MOB3A: variants seen among roughly 807,000 people sequenced by gnomAD.
MOB3A encodes MOB LAK.
In MOB3A, 17 loss-of-function variants were observed where a neutral mutation model predicts 17.8. That is an observed-to-expected ratio of 0.95 (90% CI 0.65 to 1.43). The LOEUF (loss-of-function observed/expected upper bound fraction) is 1.43. Among genes scored for constraint, MOB3A ranks in the 40% most tolerant of loss-of-function variants. The pLI is 0.00. For synonymous variants in MOB3A, 124 were observed against 133.2 expected (o/e 0.93, Z 0.48); for missense variants, 333 against 310.8 (o/e 1.07, Z -0.54).
chr19:2,086,340 T>TGC (rs1388676574), intron 1 of MOB3A, among the ~76,000 whole-genome samples: 1 of 149,614 alleles, frequency 6.7e-6, no homozygotes, highest in African/African-American at 2.5e-5. Flanking sequence ...ACGCCCAGCC[T>TGC]CTGAGTGTTT....
rs1200127756 is a variant in MOB3A, at chr19:2,093,590, G to A, written c.-274+2636C>T. On this transcript the variant is annotated intron_variant, in intron 1 of 4. Coordinates refer to ENST00000357066, the MANE Select transcript of MOB3A (RefSeq NM_130807.3). The surrounding 1 kb of genome is among the most constrained non-coding windows in gnomAD (Gnocchi z 4.6). ...TTGAATGCCTGACCTCAGGTGATCT[G>A]CTCTCCTCGGCCTCCCAAAGTGCTG... Among the ~76,000 whole-genome samples, 1 of 152,134 alleles carries A rather than the reference G, an allele frequency of 6.6e-6. No homozygotes were observed. The highest frequency in any genetic ancestry group is 1.5e-5 in the Non-Finnish European group (1 of 68,024).
intron 2 of MOB3A, among the ~76,000 whole-genome samples, chr19:2,080,535 A>G (rs2017474487): frequency 6.6e-6 from 1 of 151,880 alleles, no homozygotes; most frequent in Non-Finnish European, 1.5e-5. Context: ...GTGCAACCAC[A>G]CCCAGCTAAT....
At chr19:2,090,501 C>G (rs2017601453) in intron 1 of MOB3A, among the ~76,000 whole-genome samples, 1 of 152,036 alleles carries the variant, frequency 6.6e-6, no homozygotes, top group Non-Finnish European at 1.5e-5. Flanking sequence ...GCCAGGAACG[C>G]TACTCAGCAC....
intron 1 of MOB3A, among the ~76,000 whole-genome samples, chr19:2,094,171 C>T (rs1262226130): frequency 6.6e-6 from 1 of 151,838 alleles, no homozygotes; most frequent in African/African-American, 2.4e-5. Context: ...CTCAGCCTCC[C>T]GAGTAGCTGG....
chr19:2,078,085 C>G, intron 3 of MOB3A, 55 bp downstream of exon 3: 1 of 1,488,948 alleles, frequency 6.7e-7, no homozygotes, highest in Non-Finnish European at 9.0e-7. Flanking sequence ...TGCTCGGCCT[C>G]CCTGACTTTT....
chr19:2,077,215 A>G (rs2017423413), intron 3 of MOB3A, among the ~76,000 whole-genome samples: 1 of 152,128 alleles, frequency 6.6e-6, no homozygotes. Flanking sequence ...AGCCTGGCCA[A>G]CATGGAGAAA....
chr19:2,083,360 G>A (rs1291670877), intron 2 of MOB3A, among the ~76,000 whole-genome samples: 1 of 152,306 alleles, frequency 6.6e-6, no homozygotes, highest in East Asian at 1.9e-4. Flanking sequence ...CCAGAGCCCT[G>A]CACCTGCCCC....
At chr19:2,095,316 A>G (rs2017667336) in intron 1 of MOB3A, 1 of 152,264 alleles carries the variant, frequency 6.6e-6, no homozygotes, top group Admixed American at 6.5e-5. Context: ...CTCCCCTCTC[A>G]GTGACTCCTA....
In MOB3A at chr19:2,078,225, T is replaced by C. The variant is rs773147891; in HGVS notation, c.336A>G (p.Ala112=). 6.2e-7 allele frequency: 1 copy of C among 1,613,468 alleles called. No homozygotes were observed. Among genetic ancestry groups the C allele is most frequent in the East Asian group, 2.2e-5 (1 of 44,848 alleles). The change falls in exon 3 of 5, where the codon GCA becomes GCG. Residue 112 remains alanine (A), a synonymous_variant. Coordinates refer to ENST00000357066, the MANE Select transcript of MOB3A (RefSeq NM_130807.3). Reference sequence around the variant, plus strand: ...GGTCCATGTACCTGGGCGCGGAGAGTGCCGTGGGCTTCCGGAACTTATGCT... The same window carrying C: ...GGTCCATGTACCTGGGCGCGGAGAGCGCCGTGGGCTTCCGGAACTTATGCT... The part of the protein sequence containing the change: ...QDEHKFRKPT[A]LSAPRYMDLL...
At chr19:2,078,724 T>G in intron 2 of MOB3A, 45 bp from the exon 3 acceptor site, 2 of 656,854 alleles carry the variant, frequency 3.0e-6, no homozygotes, top group Non-Finnish European at 4.9e-6. Flanking sequence ...GCGACAGAAT[T>G]TCCCGGAAAC....
At chr19:2,086,063 G>A (rs546185489) in intron 1 of MOB3A, among the ~76,000 whole-genome samples, 6 of 151,066 alleles carry the variant, frequency 4.0e-5, no homozygotes, top group African/African-American at 7.3e-5. Context: ...TTTTTGAGAC[G>A]GAGTTTTGCT....
At chr19:2,081,838 C>T (rs969180300) in intron 2 of MOB3A, among the ~76,000 whole-genome samples, 5 of 152,168 alleles carry the variant, frequency 3.3e-5, no homozygotes, top group Non-Finnish European at 2.9e-5. Flanking sequence ...GAGCCAAGGT[C>T]GGGCCTCTGT....
At position 2,073,177 on chromosome 19, in the gene MOB3A, G is replaced by A. The variant is rs568353329; in HGVS notation, c.*218C>T. On this transcript the variant is annotated 3_prime_UTR_variant, in exon 5 of 5. Coordinates refer to ENST00000357066, the MANE Select transcript of MOB3A (RefSeq NM_130807.3). Reference sequence around the variant, plus strand: ...TAACACATAGAATTACAGAGTTCACGTTTTAGTCCCAGACGGGAGACTGAG... The same window carrying A: ...TAACACATAGAATTACAGAGTTCACATTTTAGTCCCAGACGGGAGACTGAG... 23 of 628,660 alleles carry A rather than the reference G, an allele frequency of 3.7e-5. No homozygotes were observed. The highest frequency in any genetic ancestry group is 7.9e-5 in the East Asian group (3 of 38,098). The allele number at this position is 628,660 out of a possible 1,614,324, so 38.9% of individuals were successfully genotyped here. A position where few individuals can be genotyped will look rare whatever the true frequency, so the allele number is the denominator to read the frequency against.
rs991584326 is a variant in MOB3A at position 2,071,559 on chromosome 19, A to G, written c.*1836T>C. The G allele has an allele frequency of 1.3e-5, 2 of 152,654 alleles. No individual in the cohort carries two copies. The highest frequency in any genetic ancestry group is 2.9e-5 in the Non-Finnish European group (2 of 68,406). 9.5% of individuals were successfully genotyped at this position (152,654 alleles called of 1,614,324 possible). ...AGGCAGGAAGGACCACTGTGGTGAA[A>G]GGCCACTGACAATTCTGGTGAGGAG... On this transcript the variant is annotated 3_prime_UTR_variant, in exon 5 of 5. Transcript: ENST00000357066.
intron 4 of MOB3A, among the ~76,000 whole-genome samples, chr19:2,076,123 C>CAAAAA (rs771808104): frequency 5.8e-5 from 2 of 34,370 alleles, no homozygotes; most frequent in South Asian, 1.1e-3. Context: ...ACTCCATCTC[C>CAAAAA]AAAAAAAAAA....
At chr19:2,080,622 C>T (rs970791350) in intron 2 of MOB3A, among the ~76,000 whole-genome samples, 1 of 152,122 alleles carries the variant, frequency 6.6e-6, no homozygotes, top group Non-Finnish European at 1.5e-5. Flanking sequence ...TCTGATCCGC[C>T]CACCTTGGCC....
Position 2,093,663 on chromosome 19 carries a change from G to A in MOB3A, c.-274+2563C>T, listed in dbSNP as rs1353401450. Among the ~76,000 whole-genome samples, 4 of 152,188 alleles carry A rather than the reference G, an allele frequency of 2.6e-5. No homozygotes were observed. The highest frequency in any genetic ancestry group is 7.2e-5 in the African/African-American group (3 of 41,506). On this transcript the variant is annotated intron_variant, in intron 1 of 4. Transcript: ENST00000357066. This position sits in a 1 kb window ranked among gnomAD's most constrained non-coding sequence, Gnocchi z 4.6. ...GCACCTGGCCAGCACATCCCAATTC[G>A]GACCAGCCACATTGCAAGGCCTCCA...
In MOB3A at chr19:2,082,948, G is replaced by A. The variant is rs1451206061; in HGVS notation, c.-120+2227C>T. On this transcript the variant is annotated intron_variant, in intron 2 of 4. Coordinates refer to ENST00000357066, the MANE Select transcript of MOB3A (RefSeq NM_130807.3). The surrounding 1 kb of genome is among the most constrained non-coding windows in gnomAD (Gnocchi z 4.1). ...CTGCCTCAGCCTCCTGAGTAGCTGG[G>A]ACCACGGGCACTCACTGCCATAATT... 1.3e-5 allele frequency among the ~76,000 whole-genome samples: 2 copies of A among 152,168 alleles called. No homozygotes were observed. The highest frequency in any genetic ancestry group is 4.8e-5 in the African/African-American group (2 of 41,430).
intron 4 of MOB3A, among the ~76,000 whole-genome samples, chr19:2,075,647 T>A (rs1441299690): frequency 6.6e-6 from 1 of 152,096 alleles, no homozygotes; most frequent in African/African-American, 2.4e-5. Context: ...CCCACTCCAC[T>A]GCTGGTCCCC....
Sources: gnomAD v4.1 joint callset for allele counts (sites outside exome capture counted in the v4.1 genomes callset) on GRCh38, gnomAD v4.1.1 for gene constraint, Gnocchi (gnomAD v3.1) non-coding constraint, MANE v1.5 for transcripts, NCBI Gene and HGNC (gene_info 2026-07-23, HGNC 2026-07-21) for gene names.